The following TAFA5 variants were observed in gnomAD, a reference collection of about 807,000 sequenced individuals.
The protein encoded by TAFA5 is chemokine-like protein TAFA-5.
Under a neutral mutation model 15.3 loss-of-function variants are expected in TAFA5, and 6 were observed. The observed-to-expected ratio is 0.39, with a 90% CI of 0.21 to 0.77. The LOEUF (loss-of-function observed/expected upper bound fraction) is 0.77. TAFA5 is among the 30% of genes least tolerant of loss of function. The pLI is 0.41. For missense variants in TAFA5, 161 were observed against 193.1 expected (o/e 0.83, Z 0.98); for synonymous variants, 103 against 80.7 (o/e 1.28, Z -1.48).
At chr22:48,499,250 T>TAGAGGCAATCAAACACTCCCGCACCGA (rs1920940542) in intron 1 of TAFA5, among the ~76,000 whole-genome samples, 2 of 152,228 alleles carry the variant, frequency 1.3e-5, no homozygotes, top group Non-Finnish European at 2.9e-5. Context: ...TGAAGCCATT[T>TAGAGGCAATCAAACACTCCCGCACCGA]AGAGGCAATC....
chr22:48,671,767 C>G (rs534408161), intron 2 of TAFA5, among the ~76,000 whole-genome samples: 4 of 152,292 alleles, frequency 2.6e-5, no homozygotes, highest in African/African-American at 9.6e-5. Context: ...GTGGCTGTCC[C>G]TGGTGCCTGT....
intron 2 of TAFA5, among the ~76,000 whole-genome samples, chr22:48,662,485 G>T (rs547728504): frequency 4.7e-5 from 6 of 128,204 alleles, no homozygotes; most frequent in African/African-American, 2.0e-4. Context: ...GTGTGTGATG[G>T]GGGTGATTCA....
intron 3 of TAFA5, among the ~76,000 whole-genome samples, chr22:48,739,605 G>T (rs941038743): frequency 6.6e-6 from 1 of 152,196 alleles, no homozygotes; most frequent in Non-Finnish European, 1.5e-5. Flanking sequence ...GCTGACACAA[G>T]GTTAGACATC....
At chr22:48,734,480 G>A (rs879484167) in intron 3 of TAFA5, among the ~76,000 whole-genome samples, 16 of 152,336 alleles carry the variant, frequency 1.1e-4, no homozygotes, top group South Asian at 4.1e-4. Context: ...AGGTGTCCTC[G>A]TCCTGCTGGT....
rs185941347 is a variant in TAFA5 at position 48,492,661 on chromosome 22, C to A, written c.112+2957C>A. ...CCTGGGGAAGAAGTGCCAGGAGACG[C>A]AAACAGGGGAAAGGGGCCCTGGATG... On this transcript the variant is annotated intron_variant, in intron 1 of 3. Coordinates refer to ENST00000402357, the MANE Select transcript of TAFA5 (RefSeq NM_001082967.3). 3.9e-4 allele frequency among the ~76,000 whole-genome samples: 59 copies of A among 152,296 alleles called. 1 individual carries two copies. In the East Asian group the frequency reaches 0.01, roughly 27 times the overall value.
At chr22:48,608,977 G>A (rs550195478) in intron 1 of TAFA5, among the ~76,000 whole-genome samples, 1 of 152,378 alleles carries the variant, frequency 6.6e-6, no homozygotes, top group African/African-American at 2.4e-5. Flanking sequence ...CCTGAGGAGT[G>A]GCGTGGGCAG....
chr22:48,591,789 G>T (rs1477866240), intron 1 of TAFA5, among the ~76,000 whole-genome samples: 1 of 152,072 alleles, frequency 6.6e-6, no homozygotes, highest in Non-Finnish European at 1.5e-5. Flanking sequence ...CGTGGCAGAG[G>T]GAGGAGGCAC....
At chr22:48,518,136 G>T (rs1248249297) in intron 1 of TAFA5, among the ~76,000 whole-genome samples, 2 of 152,194 alleles carry the variant, frequency 1.3e-5, no homozygotes, top group Non-Finnish European at 2.9e-5. Flanking sequence ...ACATTGTCAG[G>T]CCACCCGGTA....
intron 3 of TAFA5, among the ~76,000 whole-genome samples, chr22:48,738,111 G>A (rs1280939825): frequency 6.6e-6 from 1 of 152,148 alleles, no homozygotes; most frequent in Non-Finnish European, 1.5e-5. Context: ...CTGCTGCAGT[G>A]AGCCTGGCTG....
rs555264931 is a variant in TAFA5, at chr22:48,552,626, G to A, written c.112+62922G>A. Among the ~76,000 whole-genome samples the A allele has an allele frequency of 1.4e-4, 21 of 152,270 alleles. No homozygotes were observed. Among genetic ancestry groups the A allele is most frequent in the Admixed American group, 5.9e-4 (9 of 15,296 alleles). ...CCCCCGTCGCAGGGCTCGGAGTTGC[G>A]GGCAGGGTGGGAGACCCCTTCCAGA... is the stretch of plus-strand genomic sequence containing the variant. On this transcript the variant is annotated intron_variant, in intron 1 of 3. Coordinates refer to ENST00000402357, the MANE Select transcript of TAFA5 (RefSeq NM_001082967.3). The surrounding 1 kb of genome is among the most constrained non-coding windows in gnomAD (Gnocchi z 4.1).
At chr22:48,492,364 A>G (rs1042058293) in intron 1 of TAFA5, among the ~76,000 whole-genome samples, 5 of 152,200 alleles carry the variant, frequency 3.3e-5, no homozygotes, top group African/African-American at 9.7e-5. Flanking sequence ...ACAGCGTTCA[A>G]TTATCCTGCC....
In TAFA5 at chr22:48,489,562, T is replaced by G. The variant is rs577859707; in HGVS notation, c.-31T>G. 7.5e-7 allele frequency: 1 copy of G among 1,338,602 alleles called. No homozygotes were observed. The highest frequency in any genetic ancestry group is 1.4e-5 in the South Asian group (1 of 70,130). 82.9% of individuals were successfully genotyped at this position (1,338,602 alleles called of 1,614,324 possible). ...GGCAGGGCCGGCTGCTGAGACGCGC[T>G]GCTGCCCCCCGCGCGGGCGCCGCGG... is the stretch of plus-strand genomic sequence containing the variant. On this transcript the variant is annotated 5_prime_UTR_variant, in exon 1 of 4. Transcript: ENST00000402357. This position sits in a 1 kb window ranked among gnomAD's most constrained non-coding sequence, Gnocchi z 5.5.
chr22:48,617,900 G>A (rs1925669368), intron 1 of TAFA5, among the ~76,000 whole-genome samples: 1 of 152,178 alleles, frequency 6.6e-6, no homozygotes, highest in Admixed American at 6.5e-5. Context: ...TGCCAGGGTG[G>A]GGTCCTGTTC....
chr22:48,595,212 C>T (rs1924720437), intron 1 of TAFA5, among the ~76,000 whole-genome samples: 4 of 152,210 alleles, frequency 2.6e-5, no homozygotes, highest in Admixed American at 6.5e-5. Context: ...CCCACCTACT[C>T]AGGGGATGTG....
intron 3 of TAFA5, among the ~76,000 whole-genome samples, chr22:48,749,036 C>T (rs1222839911): frequency 6.6e-6 from 1 of 152,174 alleles, no homozygotes; most frequent in Non-Finnish European, 1.5e-5. Flanking sequence ...AGGGCCTCTG[C>T]CTCCTGTTGA....
intron 1 of TAFA5, among the ~76,000 whole-genome samples, chr22:48,500,811 G>T (rs181648373): frequency 1.2e-3 from 181 of 152,344 alleles, no homozygotes; most frequent in Non-Finnish European, 2.2e-3. Flanking sequence ...AGGGCTGGGG[G>T]ACTCAGGAGG....
In TAFA5 at chr22:48,654,364, G is replaced by A. The variant is rs542110392; in HGVS notation, c.262+7618G>A. 1.1e-4 allele frequency among the ~76,000 whole-genome samples: 16 copies of A among 152,310 alleles called. No individual in the cohort carries two copies. The East Asian group carries it at 1.4e-3, about 13-fold the overall frequency. The stretch of plus-strand genomic sequence containing the variant: ...CCTGCCCGTGGAAGGCCCACTGCAC[G>A]TGGGATGCATCGTCCACGGGCCTAC... On this transcript the variant is annotated intron_variant, in intron 2 of 3. Coordinates refer to ENST00000402357, the MANE Select transcript of TAFA5 (RefSeq NM_001082967.3).
intron 1 of TAFA5, among the ~76,000 whole-genome samples, chr22:48,535,094 G>C: frequency 6.6e-6 from 1 of 152,270 alleles, no homozygotes; most frequent in South Asian, 2.1e-4. Flanking sequence ...GGGCCCTGGG[G>C]CCTCTCACCC....
Position 48,707,849 on chromosome 22 carries a change from G to T in TAFA5, c.390+5G>T. On this transcript the variant is annotated splice_donor_5th_base_variant and intron_variant, in intron 3 of 3. Transcript: ENST00000402357. ...GGGAGGATAAAGACCACCACGGTAT[G>T]TGGCCCTCGGCTTTCTCGTGGGTGT... 6.2e-7 allele frequency: 1 copy of T among 1,611,426 alleles called. No individual in the cohort carries two copies. The highest frequency in any genetic ancestry group is 2.2e-5 in the East Asian group (1 of 44,830).
Sources: gnomAD v4.1 joint callset for allele counts (sites outside exome capture counted in the v4.1 genomes callset) on GRCh38, gnomAD v4.1.1 for gene constraint, Gnocchi (gnomAD v3.1) non-coding constraint, MANE v1.5 for transcripts, NCBI Gene and HGNC (gene_info 2026-07-23, HGNC 2026-07-21) for gene names.